PRELID2: variants seen among roughly 807,000 people sequenced by gnomAD.
PRELID2 encodes PRELI domain containing 2.
Under a neutral mutation model 28.4 loss-of-function variants are expected in PRELID2, and 25 were observed. That is an observed-to-expected ratio of 0.88 (90% CI 0.64 to 1.23). The LOEUF (loss-of-function observed/expected upper bound fraction) is 1.23, where lower values mean the gene tolerates loss of function less well. Among genes scored for constraint, PRELID2 ranks in the 50% most tolerant of loss-of-function variants. The pLI is 0.00. For missense variants in PRELID2, 201 were observed against 214.4 expected, an observed-to-expected ratio of 0.94 and a Z score of 0.39; for synonymous variants, 76 against 71.6, an observed-to-expected ratio of 1.06 and a Z score of -0.31.
chr5:145,696,156 C>CTTTTT (rs10591669), intron 1 of PRELID2, among the ~76,000 whole-genome samples: 4 of 60,008 alleles, frequency 6.7e-5, no homozygotes, highest in African/African-American at 9.9e-5. Flanking sequence ...TAAATAATAG[C>CTTTTT]TTTTTTTTTT....
At chr5:145,620,005 T>C (rs949814417) in intron 1 of PRELID2, among the ~76,000 whole-genome samples, 4 of 152,218 alleles carry the variant, frequency 2.6e-5, no homozygotes, top group African/African-American at 4.8e-5. Flanking sequence ...TCAAAGACTA[T>C]TGTAAATTAT....
chr5:145,765,659 G>A (rs1184222688), intron 5 of PRELID2, among the ~76,000 whole-genome samples: 1 of 152,158 alleles, frequency 6.6e-6, no homozygotes, highest in Admixed American at 6.5e-5. Flanking sequence ...GATCAGCTAA[G>A]ACCTTTGTTA....
intron 1 of PRELID2, among the ~76,000 whole-genome samples, chr5:145,549,750 G>GTGCC (rs931885516): frequency 3.3e-5 from 5 of 151,684 alleles, no homozygotes; most frequent in African/African-American, 1.2e-4. Context: ...AGCCAAGATG[G>GTGCC]TGCCACTGCA....
chr5:145,543,148 T>C (rs554734626), intron 1 of PRELID2, among the ~76,000 whole-genome samples: 101 of 152,232 alleles, frequency 6.6e-4, no homozygotes, highest in Non-Finnish European at 5.9e-5. Flanking sequence ...ATGTATCCCA[T>C]TTGAAATTTC....
At position 145,505,646 on chromosome 5, in the gene PRELID2, T is replaced by G. The variant is rs969466329; in HGVS notation, n.71-32331A>C. Among the ~76,000 whole-genome samples, 4 of 152,210 alleles carry G rather than the reference T, an allele frequency of 2.6e-5. No individual in the cohort carries two copies. In the East Asian group the frequency reaches 7.7e-4, roughly 29 times the overall value. On this transcript the variant is annotated intron_variant and non_coding_transcript_variant, in intron 1 of 2. Transcript: ENST00000510259. ...CCACATGACCCAGCAATACCACTCC[T>G]AGATGTTTATCCAAAAGAATTGAAA... is the stretch of plus-strand genomic sequence containing the variant.
chr5:145,343,593 A>T, the PRELID2 span, among the ~76,000 whole-genome samples: 15 of 151,922 alleles, frequency 9.9e-5, no homozygotes, highest in Non-Finnish European at 1.9e-4. Context: ...TAGTCTAAAC[A>T]ATGTACTTCA....
At chr5:145,689,439 G>C (rs915919133) in intron 1 of PRELID2, among the ~76,000 whole-genome samples, 6 of 152,208 alleles carry the variant, frequency 3.9e-5, no homozygotes, top group African/African-American at 1.4e-4. Context: ...TCTTCTTCCA[G>C]CTTCCTCTCT....
chr5:145,531,637 G>A (rs1446691102), intron 1 of PRELID2, among the ~76,000 whole-genome samples: 1 of 152,158 alleles, frequency 6.6e-6, no homozygotes, highest in Non-Finnish European at 1.5e-5. Context: ...TCTGCAGACT[G>A]TGCATCGGCA....
chr5:145,732,199 T>C (rs1339924367), intron 1 of PRELID2, among the ~76,000 whole-genome samples: 1 of 152,226 alleles, frequency 6.6e-6, no homozygotes, highest in Non-Finnish European at 1.5e-5. Context: ...CATTTTGCAG[T>C]CCTTTATCTT....
At chr5:145,435,521 T>C in the PRELID2 span, among the ~76,000 whole-genome samples, 6 of 152,328 alleles carry the variant, frequency 3.9e-5, no homozygotes, top group South Asian at 1.2e-3. Flanking sequence ...TTGTACATGC[T>C]TTAAGCATTG....
chr5:145,276,109 C>T, the PRELID2 span, among the ~76,000 whole-genome samples: 1 of 152,130 alleles, frequency 6.6e-6, no homozygotes, highest in Non-Finnish European at 1.5e-5. Flanking sequence ...AGAACTCTCT[C>T]TTAATGATGA....
chr5:145,609,046 A>G (rs1474920780), intron 1 of PRELID2, among the ~76,000 whole-genome samples: 1 of 152,164 alleles, frequency 6.6e-6, no homozygotes, highest in Non-Finnish European at 1.5e-5. Flanking sequence ...AGCTTGGTCA[A>G]TTCTGCTGTT....
chr5:145,446,077 C>T, the PRELID2 span, among the ~76,000 whole-genome samples: 3 of 151,754 alleles, frequency 2.0e-5, no homozygotes, highest in Non-Finnish European at 4.4e-5. Context: ...AGTGGGATGA[C>T]TATAGTTAAC....
intron 1 of PRELID2, among the ~76,000 whole-genome samples, chr5:145,828,154 G>A (rs566656453): frequency 1.1e-4 from 16 of 152,086 alleles, no homozygotes; most frequent in Non-Finnish European, 2.1e-4. Context: ...TGAGAAGCTT[G>A]GACAAATCAC....
the PRELID2 span, among the ~76,000 whole-genome samples, chr5:145,259,633 A>G: frequency 1.3e-5 from 2 of 152,188 alleles, no homozygotes; most frequent in Middle Eastern, 3.2e-3. Context: ...TGGAATGAGA[A>G]TATCTACCCA....
At chr5:145,317,687 T>A in the PRELID2 span, among the ~76,000 whole-genome samples, 12 of 152,176 alleles carry the variant, frequency 7.9e-5, no homozygotes, top group African/African-American at 2.7e-4. Context: ...CTAAATCTCT[T>A]CTATGACTCC....
Position 145,476,726 on chromosome 5 carries a change from AC to A in PRELID2, n.71-3412del, listed in dbSNP as rs577275071. ...TTGCAATTTTAAAAAAGAATGAAAC[AC>A]CTTTCACATGCATAGATCTTGCTTC... On this transcript the variant is annotated intron_variant and non_coding_transcript_variant, in intron 1 of 2. Transcript: ENST00000510259. Among the ~76,000 whole-genome samples, 11 of 152,140 alleles carry A rather than the reference AC, an allele frequency of 7.2e-5. No individual in the cohort carries two copies. In the South Asian group the frequency reaches 2.3e-3, roughly 32 times the overall value.
At chr5:145,736,922 A>G (rs1368127996) in intron 1 of PRELID2, among the ~76,000 whole-genome samples, 1 of 152,100 alleles carries the variant, frequency 6.6e-6, no homozygotes, top group African/African-American at 2.4e-5. Context: ...TCAAAATTTC[A>G]ATGTTGCTTT....
intron 1 of PRELID2, among the ~76,000 whole-genome samples, chr5:145,681,970 G>A (rs1754945070): frequency 6.6e-6 from 1 of 152,030 alleles, no homozygotes; most frequent in Non-Finnish European, 1.5e-5. Context: ...GCTGACTGAA[G>A]GTTTTCAAAA....
Sources: allele counts gnomAD v4.1 joint callset (sites outside exome capture counted in the v4.1 genomes callset), GRCh38; gene constraint gnomAD v4.1.1; transcripts MANE v1.5; gene names NCBI Gene and HGNC (gene_info 2026-07-23, HGNC 2026-07-21).